ASCC1: variants seen among roughly 807,000 people sequenced by gnomAD.
ASCC1 encodes the protein activating signal cointegrator 1 complex subunit 1, also known as ASC-1 complex subunit P50.
In ASCC1, 35 loss-of-function variants were observed where a neutral mutation model predicts 46.6. The ratio of observed to expected loss-of-function variants is 0.75; its 90% CI spans 0.57 to 0.99. The LOEUF (loss-of-function observed/expected upper bound fraction) is 0.99. Ranked by LOEUF, ASCC1 falls within the 50% of genes least tolerant of loss-of-function variation. ASCC1 has a pLI of 0.00. For missense variants in ASCC1, 376 were observed against 428.7 expected (o/e 0.88, Z 1.09); for synonymous variants, 143 against 146.6 (o/e 0.98, Z 0.18).
chr10:72,190,181 T>TA, intron 5 of ASCC1: 1 of 763,710 alleles, frequency 1.3e-6, no homozygotes, highest in Non-Finnish European at 2.4e-6. Context: ...GGGTGCAACT[T>TA]ACGGCAAGCC....
rs374770805 is a variant in ASCC1 at position 72,097,096 on chromosome 10, G to C, written c.*238C>G. The C allele has an allele frequency of 1.8e-6, 1 of 553,912 alleles. No homozygotes were observed. Among genetic ancestry groups the C allele is most frequent in the South Asian group, 1.5e-5 (1 of 65,736 alleles). The allele number at this position is 553,912 out of a possible 1,614,324, so 34.3% of individuals were successfully genotyped here. Reference sequence around the variant, plus strand: ...TTTTACGACAATTTAAAAATTAAAAGAAAAAAAACCAGAACACACTAAGGG... The same window carrying C: ...TTTTACGACAATTTAAAAATTAAAACAAAAAAAACCAGAACACACTAAGGG... On this transcript the variant is annotated 3_prime_UTR_variant, in exon 10 of 10. Transcript: ENST00000672957.
At chr10:72,173,659 C>T (rs1007781461) in intron 5 of ASCC1, among the ~76,000 whole-genome samples, 8 of 152,194 alleles carry the variant, frequency 5.3e-5, no homozygotes, top group Non-Finnish European at 8.8e-5. Context: ...AGAAACTTTT[C>T]TCTTACTGAA....
chr10:72,166,994 T>A (rs1850429065), intron 5 of ASCC1, among the ~76,000 whole-genome samples: 1 of 152,174 alleles, frequency 6.6e-6, no homozygotes, highest in South Asian at 2.1e-4. Context: ...TATAAATTTG[T>A]AAAACAGCAC....
chr10:72,140,796 T>G (rs763624655), intron 7 of ASCC1, among the ~76,000 whole-genome samples: 2 of 152,222 alleles, frequency 1.3e-5, no homozygotes, highest in African/African-American at 2.4e-5. Flanking sequence ...TGTATAGTGA[T>G]GCAGGGCTGC....
chr10:72,153,075 A>G, intron 6 of ASCC1, 87 bp from the exon 7 acceptor site: 3 of 1,521,496 alleles, frequency 2.0e-6, no homozygotes, highest in Non-Finnish European at 2.7e-6. Context: ...ACACATAGTC[A>G]AATATGTATG....
intron 4 of ASCC1, chr10:72,198,713 C>T (rs1564745992): frequency 2.2e-6 from 1 of 455,756 alleles, no homozygotes; most frequent in East Asian, 7.0e-5. Flanking sequence ...GCAAATATCA[C>T]ACGAATGCAA....
upstream of ASCC1, chr10:72,216,914 G>A: frequency 2.2e-6 from 1 of 456,236 alleles, no homozygotes; most frequent in South Asian, 1.5e-5. Flanking sequence ...ACTGGTTGAA[G>A]ATAGAGTTGT....
chr10:72,197,467 C>CAAAAAAA (rs59460393), intron 4 of ASCC1, among the ~76,000 whole-genome samples: 12 of 51,354 alleles, frequency 2.3e-4, no homozygotes, highest in Admixed American at 2.9e-4. Flanking sequence ...GACTCTATCT[C>CAAAAAAA]AAAAAAAAAA....
In ASCC1 at chr10:72,096,430, G is replaced by A. The variant is rs1465417768; in HGVS notation, c.*904C>T. The A allele has an allele frequency of 2.2e-6, 1 of 454,198 alleles. No individual in the cohort carries two copies. The highest frequency in any genetic ancestry group is 6.9e-5 in the East Asian group (1 of 14,402). 28.1% of individuals were successfully genotyped at this position (454,198 alleles called of 1,614,324 possible). A position where few individuals can be genotyped will look rare whatever the true frequency, so the allele number is the denominator to read the frequency against. ...CACTGCAACTCCATCAGGGGCATGG[G>A]AAGATGAGGGTGGGGATGGGGTGAA... is the stretch of plus-strand genomic sequence containing the variant. On this transcript the variant is annotated 3_prime_UTR_variant, in exon 10 of 10. Coordinates refer to ENST00000672957, the MANE Select transcript of ASCC1 (RefSeq NM_001198800.3).
chr10:72,147,614 T>A (rs1414955236), intron 7 of ASCC1, among the ~76,000 whole-genome samples: 1 of 152,184 alleles, frequency 6.6e-6, no homozygotes, highest in Admixed American at 6.5e-5. Flanking sequence ...TCTATCCTAC[T>A]CAACTTAGCA....
intron 5 of ASCC1, among the ~76,000 whole-genome samples, chr10:72,168,257 T>G (rs947293400): frequency 1.3e-5 from 2 of 152,048 alleles, no homozygotes; most frequent in African/African-American, 4.8e-5. Flanking sequence ...AAAATGCTAT[T>G]GAACAATAGG....
intron 5 of ASCC1, chr10:72,190,715 AG>A: frequency 1.7e-6 from 1 of 601,374 alleles, no homozygotes; most frequent in Non-Finnish European, 2.9e-6. Flanking sequence ...GTTAAAGTGA[AG>A]GCCGGGCACG....
At chr10:72,119,172 C>T (rs1160871925) in intron 9 of ASCC1, among the ~76,000 whole-genome samples, 1 of 152,230 alleles carries the variant, frequency 6.6e-6, no homozygotes, top group Admixed American at 6.5e-5. Flanking sequence ...CAGGGAACCA[C>T]CTCACCAAAA....
At chr10:72,150,937 C>G (rs1385974412) in intron 7 of ASCC1, among the ~76,000 whole-genome samples, 1 of 152,122 alleles carries the variant, frequency 6.6e-6, no homozygotes, top group Non-Finnish European at 1.5e-5. Context: ...ATTAAAAAGT[C>G]AGGAAACAAC....
At chr10:72,189,665 G>A (rs1259107148) in intron 5 of ASCC1, among the ~76,000 whole-genome samples, 2 of 151,996 alleles carry the variant, frequency 1.3e-5, no homozygotes, top group Admixed American at 6.6e-5. Context: ...AGCTGGGCAT[G>A]GTGGCGCATG....
At chr10:72,188,518 AAAAGG>A (rs1274092998) in intron 5 of ASCC1, among the ~76,000 whole-genome samples, 26 of 152,220 alleles carry the variant, frequency 1.7e-4, no homozygotes, top group African/African-American at 5.5e-4. Flanking sequence ...AAAGGAAAAG[AAAAGG>A]AAAAGGAGAA....
intron 7 of ASCC1, among the ~76,000 whole-genome samples, chr10:72,151,969 G>T (rs903777516): frequency 1.4e-5 from 2 of 146,120 alleles, no homozygotes; most frequent in African/African-American, 2.5e-5. Flanking sequence ...GATTACAGGC[G>T]TGAGCCACCG....
intron 5 of ASCC1, 87 bp from the exon 6 acceptor site, chr10:72,161,761 C>T: frequency 6.6e-7 from 1 of 1,508,398 alleles, no homozygotes; most frequent in Non-Finnish European, 9.2e-7. Context: ...AATAAACCCA[C>T]ACACCTACAG....
At position 72,119,680 on chromosome 10, in the gene ASCC1, C is replaced by A. The variant is rs762540749; in HGVS notation, c.957+8402G>T. On this transcript the variant is annotated intron_variant, in intron 9 of 9. Transcript: ENST00000672957. ...GTCCCTTTCACCCAGTACATCACGT[C>A]CAGATTCAACAAAAAATTACTACAA... Among the ~76,000 whole-genome samples, 5 of 151,952 alleles carry A rather than the reference C, an allele frequency of 3.3e-5. No individual in the cohort carries two copies. The South Asian group carries it at 6.2e-4, about 19-fold the overall frequency.
Sources: allele counts gnomAD v4.1 joint callset (sites outside exome capture counted in the v4.1 genomes callset), GRCh38; gene constraint gnomAD v4.1.1; transcripts MANE v1.5; gene names NCBI Gene and HGNC (gene_info 2026-07-23, HGNC 2026-07-21).